Variants in NDST3 observed in about 807,000 individuals in gnomAD.
NDST3 encodes bifunctional heparan sulfate N-deacetylase/N-sulfotransferase 3.
NDST3 carries 58 observed loss-of-function variants against 96.1 expected under a neutral mutation model. The ratio of observed to expected loss-of-function variants is 0.60; its 90% CI spans 0.49 to 0.75. The LOEUF (loss-of-function observed/expected upper bound fraction) is 0.75, where lower values mean the gene tolerates loss of function less well. Among genes scored for constraint, NDST3 ranks in the 30% least tolerant of loss-of-function variants. The probability of loss-of-function intolerance (pLI) is 0.00; values close to 1 mark genes in which losing one functional copy is unlikely to be tolerated. For missense variants in NDST3, 788 were observed against 1,034.2 expected (o/e 0.76, Z 3.27); for synonymous variants, 333 against 359.7 (o/e 0.93, Z 0.84).
At chr4:118,074,639 A>T (rs551866049) in intron 2 of NDST3, among the ~76,000 whole-genome samples, 7 of 152,272 alleles carry the variant, frequency 4.6e-5, no homozygotes, top group Admixed American at 4.6e-4. Flanking sequence ...GTGTCACTGC[A>T]TGTGAGATGT....
At chr4:118,069,204 T>C (rs530602497) in intron 2 of NDST3, among the ~76,000 whole-genome samples, 121 of 152,010 alleles carry the variant, frequency 8.0e-4, no homozygotes, top group African/African-American at 2.6e-3. Context: ...AGAGTTAGGA[T>C]AGAGAAATGG....
chr4:118,069,175 G>C (rs905282000), intron 2 of NDST3, among the ~76,000 whole-genome samples: 1 of 152,156 alleles, frequency 6.6e-6, no homozygotes, highest in Middle Eastern at 3.4e-3. Context: ...AGCAGAGAAG[G>C]TTATGATCAG....
chr4:118,128,620 T>C (rs991683451), intron 4 of NDST3, among the ~76,000 whole-genome samples: 4 of 152,080 alleles, frequency 2.6e-5, no homozygotes, highest in Non-Finnish European at 2.9e-5. Flanking sequence ...GCATCAGGAT[T>C]CATCACAGAT....
At chr4:118,144,523 A>G (rs917755862) in intron 6 of NDST3, among the ~76,000 whole-genome samples, 4 of 152,096 alleles carry the variant, frequency 2.6e-5, no homozygotes, top group South Asian at 4.2e-4. Flanking sequence ...CAGCTCCACA[A>G]TGAACCATTT....
chr4:118,119,377 A>G (rs1013974182), intron 4 of NDST3, among the ~76,000 whole-genome samples: 1 of 152,216 alleles, frequency 6.6e-6, no homozygotes, highest in African/African-American at 2.4e-5. Context: ...TAGAGAATGA[A>G]TGAATACTAC....
At chr4:118,061,206 C>T (rs897730198) in intron 2 of NDST3, among the ~76,000 whole-genome samples, 6 of 152,264 alleles carry the variant, frequency 3.9e-5, no homozygotes, top group Admixed American at 6.5e-5. Flanking sequence ...GAATTTTGCA[C>T]TTGCTGTTCT....
At chr4:118,157,051 G>A (rs948607161) in intron 6 of NDST3, among the ~76,000 whole-genome samples, 1 of 152,000 alleles carries the variant, frequency 6.6e-6, no homozygotes, top group Non-Finnish European at 1.5e-5. Context: ...ATCAAATAGT[G>A]GGAACAACCT....
intron 5 of NDST3, among the ~76,000 whole-genome samples, chr4:118,140,366 T>G (rs1733472952): frequency 1.3e-5 from 2 of 152,200 alleles, no homozygotes; most frequent in African/African-American, 4.8e-5. Context: ...TTTTGTATTT[T>G]CATCAGGAAC....
rs377702795 is a variant in NDST3, at chr4:118,136,467, ATTAGT to A, written c.1225-1579_1225-1575del. ...GATAAGGGATGTCTAGTGGGAAAAA[ATTAGT>A]TTAGTTTGAGTTTTTAAAAACCAGT... On this transcript the variant is annotated intron_variant, in intron 4 of 13. Coordinates refer to ENST00000296499, the MANE Select transcript of NDST3 (RefSeq NM_004784.3). 4.4e-3 allele frequency among the ~76,000 whole-genome samples: 676 copies of A among 152,312 alleles called. 9 individuals are homozygous for A. Among genetic ancestry groups the A allele is most frequent in the African/African-American group, 0.015 (627 of 41,562 alleles).
At chr4:118,167,561 C>T (rs768453383) in intron 6 of NDST3, among the ~76,000 whole-genome samples, 28 of 151,882 alleles carry the variant, frequency 1.8e-4, no homozygotes, top group Non-Finnish European at 1.5e-4. Context: ...AAAAAACAAT[C>T]CTAAAATTCA....
intron 2 of NDST3, among the ~76,000 whole-genome samples, chr4:118,070,439 T>A (rs918811867): frequency 3.3e-5 from 5 of 152,052 alleles, no homozygotes; most frequent in African/African-American, 1.2e-4. Context: ...ATTCCAAGAC[T>A]CTCTGGTTTC....
At chr4:118,183,315 C>A (rs1736722883) in intron 6 of NDST3, among the ~76,000 whole-genome samples, 1 of 152,176 alleles carries the variant, frequency 6.6e-6, no homozygotes, top group African/African-American at 2.4e-5. Context: ...TTGACTAAAT[C>A]ACTGGGCACA....
At chr4:118,202,583 A>G (rs544700334) in intron 6 of NDST3, among the ~76,000 whole-genome samples, 1 of 152,160 alleles carries the variant, frequency 6.6e-6, no homozygotes, top group East Asian at 1.9e-4. Flanking sequence ...GCTATTGTAA[A>G]TGGGATTATG....
intron 6 of NDST3, among the ~76,000 whole-genome samples, chr4:118,212,032 C>T (rs1738835245): frequency 6.6e-6 from 1 of 152,090 alleles, no homozygotes; most frequent in African/African-American, 2.4e-5. Flanking sequence ...TTCCACTTTC[C>T]CTTGTATCAA....
intron 2 of NDST3, among the ~76,000 whole-genome samples, chr4:118,083,819 A>G (rs1370278123): frequency 6.6e-6 from 1 of 152,160 alleles, no homozygotes; most frequent in Admixed American, 6.5e-5. Flanking sequence ...ATGGAAAAGC[A>G]GGAGTCAAAC....
rs368291714 is a variant in NDST3, at chr4:118,253,497, A to G, written c.2400-2A>G. ...TTCTGTGTGTATTCTTTTTTTTTTT[A>G]GGTTTGATTCTCATAAAGGTTTCTG... On this transcript the variant is annotated splice_acceptor_variant, in intron 12 of 13. Transcript: ENST00000296499. LOFTEE classifies it high-confidence loss of function. 1 of 1,497,238 alleles carries G rather than the reference A, an allele frequency of 6.7e-7. No homozygotes were observed. Among genetic ancestry groups the G allele is most frequent in the Non-Finnish European group, 9.1e-7 (1 of 1,098,806 alleles). 92.7% of individuals were successfully genotyped at this position (1,497,238 alleles called of 1,614,324 possible).
intron 2 of NDST3, among the ~76,000 whole-genome samples, chr4:118,067,789 C>G (rs1726714757): frequency 6.6e-6 from 1 of 151,868 alleles, no homozygotes; most frequent in Non-Finnish European, 1.5e-5. Flanking sequence ...AGCATCAGGA[C>G]AAATAGCTAA....
intron 7 of NDST3, among the ~76,000 whole-genome samples, chr4:118,226,429 T>C (rs184024589): frequency 1.0e-3 from 154 of 152,316 alleles, no homozygotes; most frequent in African/African-American, 3.3e-3. Flanking sequence ...CTTTAGATAG[T>C]AGTATTTTGG....
chr4:118,167,654 G>A (rs1735647260), intron 6 of NDST3, among the ~76,000 whole-genome samples: 1 of 151,884 alleles, frequency 6.6e-6, no homozygotes, highest in Admixed American at 6.6e-5. Context: ...TTCCTGATTT[G>A]AAAATATATT....
Sources: gnomAD v4.1 joint callset for allele counts (sites outside exome capture counted in the v4.1 genomes callset) on GRCh38, gnomAD v4.1.1 for gene constraint, MANE v1.5 for transcripts, NCBI Gene and HGNC (gene_info 2026-07-23, HGNC 2026-07-21) for gene names.